PTPRD: variants seen among roughly 807,000 people sequenced by gnomAD.
PTPRD encodes protein tyrosine phosphatase receptor type D.
Under a neutral mutation model 214.5 loss-of-function variants are expected in PTPRD, and 34 were observed. The ratio of observed to expected loss-of-function variants is 0.16; its 90% CI spans 0.12 to 0.21. PTPRD has a LOEUF of 0.21. Among genes scored for constraint, PTPRD ranks in the 10% least tolerant of loss-of-function variants. PTPRD has a pLI of 1.00. For missense variants in PTPRD, 2,545 were observed against 2,398.7 expected (o/e 1.06, Z -1.27); for synonymous variants, 1,128 against 845.7 (o/e 1.33, Z -5.79).
chr9:10,098,160 G>T (rs1284792098), intron 3 of PTPRD, among the ~76,000 whole-genome samples: 1 of 151,802 alleles, frequency 6.6e-6, no homozygotes, highest in East Asian at 1.9e-4. Flanking sequence ...ATACTATGGA[G>T]CCATAAAAAA....
intron 5 of PTPRD, among the ~76,000 whole-genome samples, chr9:9,803,065 G>A (rs1257272396): frequency 6.6e-6 from 1 of 151,818 alleles, no homozygotes; most frequent in Non-Finnish European, 1.5e-5. Context: ...TGCAGCATAT[G>A]CATATCGGTT....
intron 35 of PTPRD, among the ~76,000 whole-genome samples, chr9:8,405,393 GT>G (rs890533576): frequency 4.0e-5 from 6 of 150,244 alleles, no homozygotes; most frequent in East Asian, 3.9e-4. Flanking sequence ...TTTAACATTA[GT>G]TTTTTTTTCT....
At chr9:10,218,554 C>T (rs2099551941) in intron 3 of PTPRD, among the ~76,000 whole-genome samples, 1 of 151,768 alleles carries the variant, frequency 6.6e-6, no homozygotes, top group Admixed American at 6.6e-5. Context: ...GCAAAGTCAC[C>T]TACTTACCTT....
chr9:9,788,403 T>C (rs2098941815), intron 5 of PTPRD, among the ~76,000 whole-genome samples: 1 of 150,990 alleles, frequency 6.6e-6, no homozygotes, highest in African/African-American at 2.4e-5. Context: ...TACAAAAAAA[T>C]TACCCGGGCA....
intron 2 of PTPRD, among the ~76,000 whole-genome samples, chr9:10,512,186 G>GAT: frequency 1.3e-5 from 2 of 150,900 alleles, no homozygotes; most frequent in African/African-American, 4.9e-5. Context: ...TACAAAAAAA[G>GAT]CTTATTTACC....
chr9:9,017,492 G>GTTT (rs1315788554), intron 11 of PTPRD, among the ~76,000 whole-genome samples: 1 of 152,086 alleles, frequency 6.6e-6, no homozygotes, highest in African/African-American at 2.4e-5. Flanking sequence ...AATTTGAATT[G>GTTT]TTTAACATAT....
In PTPRD at chr9:8,973,117, A is replaced by T. The variant is rs1042709623; in HGVS notation, c.-104+45580T>A. 2.6e-5 allele frequency among the ~76,000 whole-genome samples: 4 copies of T among 152,098 alleles called. 1 individual carries two copies. The highest frequency in any genetic ancestry group is 2.6e-4 in the Admixed American group (4 of 15,248). ...TAAAAATATTCAGCTTTGATTTTAG[A>T]CACAGGTGTCAAATGTATAGATTTG... is the stretch of plus-strand genomic sequence containing the variant. On this transcript the variant is annotated intron_variant, in intron 11 of 45. Coordinates refer to ENST00000381196, the MANE Select transcript of PTPRD (RefSeq NM_002839.4).
chr9:8,836,331 C>G (rs9776411), intron 11 of PTPRD, among the ~76,000 whole-genome samples: 14,256 of 152,052 alleles, frequency 0.094, 712 homozygotes, highest in Non-Finnish European at 0.098. Context: ...AGAAAGAGAG[C>G]CCTTGGCACA....
chr9:10,226,151 G>A (rs1247740793), intron 3 of PTPRD, among the ~76,000 whole-genome samples: 1 of 151,984 alleles, frequency 6.6e-6, no homozygotes, highest in Non-Finnish European at 1.5e-5. Flanking sequence ...ATGGATGGAT[G>A]ATCCCCCCAA....
chr9:9,575,686 C>G (rs1475827806), intron 7 of PTPRD, among the ~76,000 whole-genome samples: 1 of 116,964 alleles, frequency 8.5e-6, no homozygotes, highest in African/African-American at 3.3e-5. Context: ...TGCCACTGCA[C>G]TCCAGCCTGG....
intron 8 of PTPRD, among the ~76,000 whole-genome samples, chr9:9,474,748 G>C (rs1026379188): frequency 6.6e-6 from 1 of 151,876 alleles, no homozygotes; most frequent in Non-Finnish European, 1.5e-5. Flanking sequence ...TTTGTTATTG[G>C]TGTATAGAAT....
At chr9:10,586,772 C>T (rs2074015967) in intron 2 of PTPRD, among the ~76,000 whole-genome samples, 1 of 124,624 alleles carries the variant, frequency 8.0e-6, no homozygotes, top group Non-Finnish European at 1.7e-5. Flanking sequence ...CATACATGCT[C>T]ACTTATAGAC....
chr9:8,954,041 C>T (rs781648808), intron 11 of PTPRD, among the ~76,000 whole-genome samples: 1 of 151,958 alleles, frequency 6.6e-6, no homozygotes, highest in Non-Finnish European at 1.5e-5. Context: ...GACACATGCA[C>T]TCATATGTTC....
At chr9:10,431,500 C>T (rs1163109325) in intron 2 of PTPRD, among the ~76,000 whole-genome samples, 1 of 151,932 alleles carries the variant, frequency 6.6e-6, no homozygotes, top group African/African-American at 2.4e-5. Flanking sequence ...GAACAGGCAA[C>T]CTACAAAATG....
chr9:9,072,868 G>A (rs147425693), intron 10 of PTPRD, among the ~76,000 whole-genome samples: 1 of 152,204 alleles, frequency 6.6e-6, no homozygotes, highest in East Asian at 1.9e-4. Flanking sequence ...GATTAATCTA[G>A]AAAACTGAAT....
chr9:9,876,005 G>T (rs911657829), intron 5 of PTPRD, among the ~76,000 whole-genome samples: 1 of 152,006 alleles, frequency 6.6e-6, no homozygotes, highest in Middle Eastern at 3.2e-3. Context: ...TGGTGAGTTT[G>T]CAGGTGCTTA....
chr9:8,317,829 A>T lies in PTPRD; in HGVS notation c.*45T>A. ...GTATGGCTCAGAAGAGACTCCATGG[A>T]TATTGAAGGGCCTGTAGTAAAAATC... On this transcript the variant is annotated 3_prime_UTR_variant, in exon 46 of 46. Coordinates refer to ENST00000381196, the MANE Select transcript of PTPRD (RefSeq NM_002839.4). The T allele has an allele frequency of 6.4e-7, 1 of 1,567,664 alleles. No homozygotes were observed. The highest frequency in any genetic ancestry group is 8.8e-7 in the Non-Finnish European group (1 of 1,138,774).
At chr9:8,661,669 T>C (rs1442306707) in intron 12 of PTPRD, among the ~76,000 whole-genome samples, 2 of 151,716 alleles carry the variant, frequency 1.3e-5, no homozygotes, top group African/African-American at 2.4e-5. Context: ...TATTCTACTA[T>C]TACTCTGCCA....
At chr9:10,331,705 A>G (rs2096753753) in intron 3 of PTPRD, among the ~76,000 whole-genome samples, 1 of 151,834 alleles carries the variant, frequency 6.6e-6, no homozygotes, top group Non-Finnish European at 1.5e-5. Flanking sequence ...CTCCCAACCT[A>G]TTAGAAACAA....
Sources: gnomAD v4.1 joint callset for allele counts (sites outside exome capture counted in the v4.1 genomes callset) on GRCh38, gnomAD v4.1.1 for gene constraint, MANE v1.5 for transcripts, NCBI Gene and HGNC (gene_info 2026-07-23, HGNC 2026-07-21) for gene names.